HIVEP3: variants seen among roughly 807,000 people sequenced by gnomAD.
HIVEP3 encodes transcription factor HIVEP3.
HIVEP3 carries 49 observed loss-of-function variants against 152.8 expected under a neutral mutation model. The observed-to-expected ratio is 0.32, with a 90% CI of 0.26 to 0.41. The LOEUF is 0.41. HIVEP3 is among the 10% of genes least tolerant of loss of function. HIVEP3 has a pLI of 1.00. For synonymous variants in HIVEP3, 1,269 were observed against 1,289.0 expected (o/e 0.98, Z 0.33); for missense variants, 2,790 against 3,103.3 (o/e 0.90, Z 2.40).
chr1:41,599,369 A>G (rs1298054292), intron 3 of HIVEP3, among the ~76,000 whole-genome samples: 1 of 152,222 alleles, frequency 6.6e-6, no homozygotes, highest in East Asian at 1.9e-4. Flanking sequence ...TTCTTACTCG[A>G]TTGACAAACG....
intron 3 of HIVEP3, among the ~76,000 whole-genome samples, chr1:41,596,769 T>C (rs1448294123): frequency 6.6e-6 from 1 of 152,206 alleles, no homozygotes; most frequent in Admixed American, 6.5e-5. Context: ...CCCTGAGTGC[T>C]GGCCAACATC....
intron 1 of HIVEP3, among the ~76,000 whole-genome samples, chr1:41,911,670 T>C (rs1644798298): frequency 6.6e-6 from 1 of 152,140 alleles, no homozygotes. Context: ...AGAATAGACA[T>C]ATAAACTGCC....
chr1:42,021,866 T>C (rs1645556553), intron 1 of HIVEP3, among the ~76,000 whole-genome samples: 1 of 152,140 alleles, frequency 6.6e-6, no homozygotes, highest in African/African-American at 2.4e-5. Context: ...TCATTTCAAA[T>C]GACAAAACCA....
At chr1:41,835,954 C>A (rs968877209) in intron 1 of HIVEP3, among the ~76,000 whole-genome samples, 1 of 152,220 alleles carries the variant, frequency 6.6e-6, no homozygotes, top group Admixed American at 6.5e-5. Flanking sequence ...ATACCCCTAA[C>A]CTGCCATATG....
intron 1 of HIVEP3, among the ~76,000 whole-genome samples, chr1:41,975,216 C>T (rs1188233288): frequency 2.6e-5 from 4 of 152,166 alleles, no homozygotes; most frequent in Admixed American, 2.6e-4. Flanking sequence ...TCAACTGCCC[C>T]CCTCTACCCA....
intron 1 of HIVEP3, among the ~76,000 whole-genome samples, chr1:42,023,556 TG>T (rs1407758266): frequency 6.6e-5 from 10 of 152,160 alleles, no homozygotes; most frequent in African/African-American, 2.4e-4. Flanking sequence ...GGATCCTTCA[TG>T]AATGAATTAT....
In HIVEP3 at chr1:41,888,196, C is replaced by T. The variant is rs1013581176; in HGVS notation, c.-801+30217G>A. Among the ~76,000 whole-genome samples, 22 of 145,240 alleles carry T rather than the reference C, an allele frequency of 1.5e-4. 1 individual carries two copies. The highest frequency in any genetic ancestry group is 7.7e-4 in the Admixed American group (11 of 14,294). On this transcript the variant is annotated intron_variant, in intron 1 of 8. Transcript: ENST00000372583. ...GACTACAGGCACCCACCACCACGCC[C>T]GGCTAATTTTTTTTTTTTTTTTTTT...
intron 1 of HIVEP3, among the ~76,000 whole-genome samples, chr1:41,710,830 G>C (rs992827275): frequency 6.6e-6 from 1 of 152,190 alleles, no homozygotes; most frequent in Admixed American, 6.5e-5. Context: ...GCTGATCATA[G>C]CTTCTTAAGG....
At chr1:41,884,091 T>A (rs531744190) in intron 1 of HIVEP3, among the ~76,000 whole-genome samples, 1 of 152,108 alleles carries the variant, frequency 6.6e-6, no homozygotes. Context: ...TCAGCCTCCC[T>A]GGTAGCTGGG....
Position 41,580,362 on chromosome 1 carries a change from T to G in HIVEP3, c.4436A>C (p.Lys1479Thr), listed in dbSNP as rs1397756715. 1 of 1,614,098 alleles carries G rather than the reference T, an allele frequency of 6.2e-7. No homozygotes were observed. Among genetic ancestry groups the G allele is most frequent in the East Asian group, 2.2e-5 (1 of 44,892 alleles). ...GCCTAAGTGGGATTTCTCTGGCCTC[T>G]TCCCATCCTCGGTGCTGGTAAGGAC... ...SVVLTSTEDG[K>T]RPEKSHLGNQ... Residue 1479 changes from lysine to threonine, a missense_variant, in exon 4 of 9, where the codon AAG becomes ACG. Transcript: ENST00000372583.
At chr1:41,733,726 G>A (rs1036850671) in intron 1 of HIVEP3, among the ~76,000 whole-genome samples, 10 of 152,212 alleles carry the variant, frequency 6.6e-5, no homozygotes, top group African/African-American at 2.2e-4. Context: ...AGCAACCAAG[G>A]GACTGGAAAG....
At chr1:41,981,123 C>T (rs1645291354) in intron 1 of HIVEP3, among the ~76,000 whole-genome samples, 1 of 152,082 alleles carries the variant, frequency 6.6e-6, no homozygotes, top group Non-Finnish European at 1.5e-5. Context: ...GGCCCAGAGG[C>T]AAGGAGAGAA....
At chr1:41,651,759 T>C (rs1241111323) in intron 2 of HIVEP3, among the ~76,000 whole-genome samples, 2 of 152,252 alleles carry the variant, frequency 1.3e-5, no homozygotes, top group Admixed American at 1.3e-4. Flanking sequence ...CAGTACTAGA[T>C]CTTCTCTATT....
Position 41,744,084 on chromosome 1 carries a change from T to C in HIVEP3, c.-800-43089A>G, listed in dbSNP as rs180936798. Among the ~76,000 whole-genome samples, 14 of 152,124 alleles carry C rather than the reference T, an allele frequency of 9.2e-5. No individual in the cohort carries two copies. In the South Asian group the frequency reaches 1.5e-3, roughly 16 times the overall value. On this transcript the variant is annotated intron_variant, in intron 1 of 8. Transcript: ENST00000372583. The stretch of plus-strand genomic sequence containing the variant: ...AGACGGAGTCTCACTCTGTCGCCGA[T>C]GCTGGAGTGCAGTGATGCGATCTTG...
At chr1:41,996,011 T>G (rs1645393757) in intron 1 of HIVEP3, among the ~76,000 whole-genome samples, 1 of 152,196 alleles carries the variant, frequency 6.6e-6, no homozygotes, top group Non-Finnish European at 1.5e-5. Flanking sequence ...ATTAAGCTCC[T>G]GGAATCTGAG....
intron 1 of HIVEP3, among the ~76,000 whole-genome samples, chr1:41,831,182 G>C (rs563607844): frequency 6.6e-6 from 1 of 152,122 alleles, no homozygotes; most frequent in African/African-American, 2.4e-5. Context: ...AAGCTCCTAA[G>C]AAATATTTAT....
At chr1:41,966,472 A>ATTTTTTTTTTTTTT (rs1217444785) in intron 1 of HIVEP3, among the ~76,000 whole-genome samples, 17 of 46,526 alleles carry the variant, frequency 3.7e-4, no homozygotes, top group African/African-American at 7.3e-4. Flanking sequence ...AGTGTGCTGT[A>ATTTTTTTTTTTTTT]TTCTTTTTTT....
intron 1 of HIVEP3, among the ~76,000 whole-genome samples, chr1:41,815,490 GAGAAA>G (rs929232074): frequency 3.9e-5 from 6 of 152,044 alleles, no homozygotes; most frequent in African/African-American, 1.2e-4. Context: ...AAGAAAAAAA[GAGAAA>G]AGAAAAGAAA....
intron 2 of HIVEP3, among the ~76,000 whole-genome samples, chr1:41,633,197 C>T (rs1645220926): frequency 6.6e-6 from 1 of 152,130 alleles, no homozygotes; most frequent in South Asian, 2.1e-4. Flanking sequence ...TCTCCCTCTT[C>T]TCCCCCCCGC....
Sources: gnomAD v4.1 joint callset for allele counts (sites outside exome capture counted in the v4.1 genomes callset) on GRCh38, gnomAD v4.1.1 for gene constraint, MANE v1.5 for transcripts, NCBI Gene and HGNC (gene_info 2026-07-23, HGNC 2026-07-21) for gene names.